The following DLL1 variants were observed in gnomAD, a reference collection of about 807,000 sequenced individuals.
The protein encoded by DLL1 is delta-like protein 1.
A neutral mutation model predicts 75.1 loss-of-function variants in DLL1; 9 were observed. The ratio of observed to expected loss-of-function variants is 0.12; its 90% CI spans 0.07 to 0.21. The LOEUF (loss-of-function observed/expected upper bound fraction) is 0.21, where lower values mean the gene tolerates loss of function less well. Ranked by LOEUF, DLL1 falls within the 10% of genes least tolerant of loss-of-function variation. The pLI is 1.00. For missense variants in DLL1, 837 were observed against 1,007.6 expected (o/e 0.83, Z 2.29); for synonymous variants, 477 against 418.3 (o/e 1.14, Z -1.71).
intron 8 of DLL1, 95 bp from the exon 9 acceptor site, chr6:170,284,124 C>T: frequency 6.8e-7 from 1 of 1,474,282 alleles, no homozygotes; most frequent in South Asian, 1.2e-5. Context: ...ACTGTAGAAA[C>T]CAGACAAACC....
chr6:170,285,305 C>T lies in DLL1; in HGVS notation c.981G>A (p.Leu327=). 1 of 1,614,202 alleles carries T rather than the reference C, an allele frequency of 6.2e-7. No homozygotes were observed. Among genetic ancestry groups the T allele is most frequent in the African/African-American group, 1.3e-5 (1 of 75,044 alleles). ...RPGYTGATCE[L]GIDECDPSPC... ...GGCTGGGGTCACACTCGTCAATCCC[C>T]AGCTCGCAGGTGGCACCTGTGTACC... Residue 327 remains leucine (L), a synonymous_variant, in exon 7 of 11, where the codon CTG becomes CTA. Coordinates refer to ENST00000366756, the MANE Select transcript of DLL1 (RefSeq NM_005618.4).
intron 3 of DLL1, 76 bp from the exon 4 acceptor site, chr6:170,288,572 A>G (rs528376030): frequency 6.2e-7 from 1 of 1,613,284 alleles, no homozygotes; most frequent in East Asian, 2.2e-5. Context: ...GTGGGCCGAG[A>G]CATTCAGCAC....
chr6:170,282,920 G>A (rs776405532), intron 10 of DLL1, 41 bp from the exon 11 acceptor site: 15 of 1,614,094 alleles, frequency 9.3e-6, no homozygotes, highest in East Asian at 2.2e-5. Flanking sequence ...GCCTGAGACC[G>A]ATTCCCGTGC....
chr6:170,288,565 G>C, intron 3 of DLL1, 69 bp from the exon 4 acceptor site: 2 of 1,613,542 alleles, frequency 1.2e-6, no homozygotes, highest in South Asian at 2.2e-5. Flanking sequence ...AGCGGGGGTG[G>C]GCCGAGACAT....
Position 170,290,428 on chromosome 6 carries a change from T to G in DLL1, c.-289A>C. The G allele has an allele frequency of 1.0e-5, 4 of 385,166 alleles. No homozygotes were observed. Among genetic ancestry groups the G allele is most frequent in the East Asian group, 4.4e-5 (1 of 22,880 alleles). The allele number at this position is 385,166 out of a possible 1,614,324, so 23.9% of individuals were successfully genotyped here. On this transcript the variant is annotated 5_prime_UTR_variant, in exon 1 of 11. Transcript: ENST00000366756. The surrounding 1 kb of genome is among the most constrained non-coding windows in gnomAD (Gnocchi z 4.7). ...GCGGCGGCGACTTTCGTTTTCCTCC[T>G]TCCTCCCAGCCCCCGAGGAGGTGAG...
intron 7 of DLL1, 26 bp from the exon 8 acceptor site, chr6:170,285,161 G>C: frequency 6.2e-7 from 1 of 1,613,800 alleles, no homozygotes; most frequent in Non-Finnish European, 8.5e-7. Flanking sequence ...GTCAGAAAAG[G>C]CTTTCCAAAG....
intron 8 of DLL1, among the ~76,000 whole-genome samples, chr6:170,284,416 G>GGGGA (rs913323138): frequency 6.6e-6 from 1 of 152,142 alleles, no homozygotes; most frequent in African/African-American, 2.4e-5. Context: ...ACTGACAACA[G>GGGGA]GGGAGGGAGG....
chr6:170,288,965 G>A (rs1176215807), intron 2 of DLL1, among the ~76,000 whole-genome samples, 176 bp from the exon 3 acceptor site: 2 of 152,214 alleles, frequency 1.3e-5, no homozygotes. Context: ...CCTTCCCTAA[G>A]GAAATGGAAG....
In DLL1 at chr6:170,282,778, G is replaced by A. The variant is rs1462196893; in HGVS notation, c.*96C>T. 1 of 1,597,282 alleles carries A rather than the reference G, an allele frequency of 6.3e-7. No homozygotes were observed. Among genetic ancestry groups the A allele is most frequent in the East Asian group, 2.2e-5 (1 of 44,806 alleles). On this transcript the variant is annotated 3_prime_UTR_variant, in exon 11 of 11. Coordinates refer to ENST00000366756, the MANE Select transcript of DLL1 (RefSeq NM_005618.4). ...TCGGTTTCTCAGCAGCAGTCCACGA[G>A]GCCTCCCTCCTCTTCAGCAGCATTC... is the stretch of plus-strand genomic sequence containing the variant.
intron 1 of DLL1, 83 bp from the exon 2 acceptor site, chr6:170,289,891 G>T: frequency 7.0e-7 from 1 of 1,436,866 alleles, no homozygotes; most frequent in Non-Finnish European, 9.3e-7. Context: ...GGTGTGCGGA[G>T]AGCCTGGAAG....
chr6:170,284,009 C>T lies in DLL1; in HGVS notation c.1270G>A (p.Gly424Ser), dbSNP rs762833797. Residue 424 changes from glycine to serine, a missense_variant, in exon 9 of 11, where the codon GGT (glycine) becomes AGT (serine). This residue lies in a region of DLL1 where 533 missense variants were observed against 545.7 expected (regional missense o/e 0.98). Transcript: ENST00000366756. ...CSNGAKCVDLGDAYLCRCQAG... is the reference protein window; with the variant it reads ...CSNGAKCVDLSDAYLCRCQAG... ...TGGCAGCGGCACAGGTAGGCATCAC[C>T]GAGGTCCACACACTTGGCACCTGGA... The T allele has an allele frequency of 1.4e-5, 22 of 1,577,458 alleles. No homozygotes were observed. Among genetic ancestry groups the T allele is most frequent in the African/African-American group, 4.0e-5 (3 of 74,220 alleles).
At position 170,289,586 on chromosome 6, in the gene DLL1, T is replaced by G; in HGVS notation, c.277A>C (p.Ser93Arg). ...TCGGCGCCCCCGCCGTCGGGCAGAC[T>G]GAAGGAGTCGACGCCCAGCACGGGG... ...VTPVLGVDSF[S>R]LPDGGGADSA... Residue 93 changes from serine to arginine, a missense_variant, in exon 2 of 11, where the codon AGT becomes CGT. Ser to Arg is a moderately radical substitution (Grantham distance 110). Coordinates refer to ENST00000366756, the MANE Select transcript of DLL1 (RefSeq NM_005618.4). The G allele has an allele frequency of 6.5e-7, 1 of 1,535,380 alleles. No homozygotes were observed. The highest frequency in any genetic ancestry group is 8.7e-7 in the Non-Finnish European group (1 of 1,146,372).
Position 170,284,003 on chromosome 6 carries a change from C to T in DLL1, c.1276G>A (p.Ala426Thr). The T allele has an allele frequency of 6.4e-7, 1 of 1,567,044 alleles. No individual in the cohort carries two copies. Among genetic ancestry groups the T allele is most frequent in the South Asian group, 1.2e-5 (1 of 86,126 alleles). ...NGAKCVDLGD[A>T]YLCRCQAGFS... ...CCGGCCTGGCAGCGGCACAGGTAGGCATCACCGAGGTCCACACACTTGGCA... is the reference window on the plus strand; with the variant it reads ...CCGGCCTGGCAGCGGCACAGGTAGGTATCACCGAGGTCCACACACTTGGCA... Residue 426 changes from alanine to threonine, a missense_variant, in exon 9 of 11, where the codon GCC becomes ACC. By Grantham distance (58) the Ala-to-Thr change is moderately conservative. Around this residue, in one of 2 missense-constraint regions of DLL1, gnomAD observed 533 missense variants for 545.7 expected, o/e 0.98. Transcript: ENST00000366756.
Position 170,289,626 on chromosome 6 carries a change from G to A in DLL1, c.237C>T (p.Tyr79=), listed in dbSNP as rs778540224. The part of the protein sequence containing the change: ...ASVSPEPPCT[Y]GSAVTPVLGV... ...CCAGCACGGGGGTGACGGCGCTGCC[G>A]TAGGTGCAGGGCGGCTCGGGGGACA... Residue 79 remains tyrosine (Y), a synonymous_variant, in exon 2 of 11, where the codon TAC becomes TAT. Transcript: ENST00000366756. 4 of 1,537,542 alleles carry A rather than the reference G, an allele frequency of 2.6e-6. No homozygotes were observed. The highest frequency in any genetic ancestry group is 3.3e-4 in the Middle Eastern group (2 of 6,004).
In DLL1 at chr6:170,290,609, G is replaced by T; in HGVS notation, c.-470C>A. On this transcript the variant is annotated 5_prime_UTR_variant, in exon 1 of 11. Coordinates refer to ENST00000366756, the MANE Select transcript of DLL1 (RefSeq NM_005618.4). The surrounding 1 kb of genome is among the most constrained non-coding windows in gnomAD (Gnocchi z 4.7). ...GAAAGCCGCGGTCTGGAAATCCCAC[G>T]GGCAAGGCGATAATCCGGGGCCAGC... 4.1e-6 allele frequency: 1 copy of T among 244,230 alleles called. No homozygotes were observed. The highest frequency in any genetic ancestry group is 2.3e-5 in the African/African-American group (1 of 43,276). The allele number at this position is 244,230 out of a possible 1,614,324, so 15.1% of individuals were successfully genotyped here.
At position 170,285,125 on chromosome 6, in the gene DLL1, T is replaced by G; in HGVS notation, c.1043A>C (p.Asn348Thr). ...GGGTGGGCAGGTACAGGAGTAGCTG[T>G]TCTCGAGATCCTACACGATGGAGAG... is the stretch of plus-strand genomic sequence containing the variant. ...KNGGSCTDLE[N>T]SYSCTCPPGF... The change falls in exon 8 of 11, where the codon AAC becomes ACC. Residue 348 changes from asparagine (N) to threonine (T), a missense_variant. Physicochemically the swap from Asn to Thr is moderately conservative, Grantham distance 65. Around this residue, in one of 2 missense-constraint regions of DLL1, gnomAD observed 533 missense variants for 545.7 expected, o/e 0.98. Transcript: ENST00000366756. The G allele has an allele frequency of 1.9e-6, 3 of 1,611,762 alleles. No individual in the cohort carries two copies. The highest frequency in any genetic ancestry group is 2.5e-6 in the Non-Finnish European group (3 of 1,179,188).
At position 170,282,708 on chromosome 6, in the gene DLL1, G is replaced by C. The variant is rs766480549; in HGVS notation, c.*166C>G. ...GGCGGCCGGGCCGCGACAGGCTGTCGGCAGGCGTCGAGGACCTCAGGAGGA... is the reference window on the plus strand; with the variant it reads ...GGCGGCCGGGCCGCGACAGGCTGTCCGCAGGCGTCGAGGACCTCAGGAGGA... On this transcript the variant is annotated 3_prime_UTR_variant, in exon 11 of 11. Transcript: ENST00000366756. 12 of 1,166,826 alleles carry C rather than the reference G, an allele frequency of 1.0e-5. No homozygotes were observed. Among genetic ancestry groups the C allele is most frequent in the Admixed American group, 1.8e-5 (1 of 56,036 alleles). 72.3% of individuals were successfully genotyped at this position (1,166,826 alleles called of 1,614,324 possible).
In DLL1 at chr6:170,282,775, C is replaced by A. The variant is rs758268046; in HGVS notation, c.*99G>T. 1.9e-6 allele frequency: 3 copies of A among 1,595,462 alleles called. No individual in the cohort carries two copies. Among genetic ancestry groups the A allele is most frequent in the Non-Finnish European group, 2.6e-6 (3 of 1,164,634 alleles). On this transcript the variant is annotated 3_prime_UTR_variant, in exon 11 of 11. Transcript: ENST00000366756. ...AACTCGGTTTCTCAGCAGCAGTCCA[C>A]GAGGCCTCCCTCCTCTTCAGCAGCA...
Position 170,288,706 on chromosome 6 carries a change from T to C in DLL1, c.412+23A>G, listed in dbSNP as rs762303757. ...TGCTATTAACTGGGGAAAGCAGTTT[T>C]GGGGTTTGGGTTTTGTTTTTACCTG... On this transcript the variant is annotated intron_variant, in intron 3 of 10. Coordinates refer to ENST00000366756, the MANE Select transcript of DLL1 (RefSeq NM_005618.4). The C allele has an allele frequency of 8.7e-6, 14 of 1,613,948 alleles. No individual in the cohort carries two copies. In the African/African-American group the frequency reaches 1.7e-4, roughly 20 times the overall value.
Sources: allele counts gnomAD v4.1 joint callset (sites outside exome capture counted in the v4.1 genomes callset), GRCh38; gene constraint gnomAD v4.1.1; regional missense constraint gnomAD v4.1.1; non-coding constraint Gnocchi (gnomAD v3.1); transcripts MANE v1.5; gene names NCBI Gene and HGNC (gene_info 2026-07-23, HGNC 2026-07-21).